SYTL5: variants seen among roughly 807,000 people sequenced by gnomAD.
SYTL5 encodes the protein synaptotagmin-like protein 5.
SYTL5 carries 34 observed loss-of-function variants against 55.9 expected under a neutral mutation model. The ratio of observed to expected loss-of-function variants is 0.61; its 90% CI spans 0.46 to 0.81. SYTL5 has a LOEUF of 0.81. Ranked by LOEUF, SYTL5 falls within the 30% of genes least tolerant of loss-of-function variation. The pLI, the probability that SYTL5 is intolerant of heterozygous loss-of-function variation, is 0.00. For missense variants in SYTL5, 637 were observed against 546.7 expected, an observed-to-expected ratio of 1.17 and a Z score of -1.65; for synonymous variants, 221 against 188.7, an observed-to-expected ratio of 1.17 and a Z score of -1.40.
chrX:37,932,197 C>T, the SYTL5 span, among the ~76,000 whole-genome samples: 3 of 111,452 alleles, frequency 2.7e-5, no homozygotes, highest in South Asian at 3.8e-4. Context: ...ATGCACATAT[C>T]GAGGGGCATG....
intron 2 of SYTL5, among the ~76,000 whole-genome samples, chrX:38,037,812 AG>A (rs1304201217): frequency 3.6e-5 from 4 of 110,318 alleles, no homozygotes; most frequent in Non-Finnish European, 7.6e-5. Context: ...ATAGATAGAT[AG>A]ATAGATAGAT....
At chrX:37,930,555 T>C in the SYTL5 span, among the ~76,000 whole-genome samples, 1 of 111,651 alleles carries the variant, frequency 9.0e-6, no homozygotes, top group Admixed American at 9.5e-5. Context: ...GTCCTTGACA[T>C]GATGAAACTG....
chrX:38,028,260 G>A (rs764961158), intron 1 of SYTL5, among the ~76,000 whole-genome samples: 6 of 112,012 alleles, frequency 5.4e-5, no homozygotes, highest in African/African-American at 1.3e-4. Flanking sequence ...TTTCCCAAGG[G>A]GCTTTTATTG....
At chrX:37,903,902 A>G in the SYTL5 span, among the ~76,000 whole-genome samples, 5 of 110,859 alleles carry the variant, frequency 4.5e-5, no homozygotes, top group South Asian at 1.5e-3. Context: ...GCACCTTTGT[A>G]CACATTTCTC....
At chrX:38,122,254 G>A in intron 15 of SYTL5, 39 bp downstream of exon 15, 1 of 1,146,032 alleles carries the variant, frequency 8.7e-7, no homozygotes, top group Non-Finnish European at 1.2e-6. Flanking sequence ...ATACTTAATA[G>A]GAGATGAAAG....
At position 38,043,676 on chromosome X, in the gene SYTL5, TATATATATATATATAC is replaced by T. The variant is rs1178640731; in HGVS notation, c.119+9680_119+9695del. Among the ~76,000 whole-genome samples, 715 of 74,034 alleles carry T rather than the reference TATATATATATATATAC, an allele frequency of 9.7e-3. 12 individuals carry two copies. The highest frequency in any genetic ancestry group is 0.044 in the African/African-American group (655 of 15,027). 64.3% of individuals were successfully genotyped at this position (74,034 alleles called of 115,157 possible). ...ATGTATGTATGTATATATATATATA[TATATATATATATATAC>T]ATATATATATACATATTTTCATATA... On this transcript the variant is annotated intron_variant, in intron 2 of 16. Transcript: ENST00000297875.
rs1337622272 is a variant in SYTL5, at chrX:38,033,862, T to A, written c.-28T>A. The A allele has an allele frequency of 4.4e-6, 4 of 905,436 alleles. No homozygotes were observed. The Admixed American group carries it at 9.5e-5, about 21-fold the overall frequency. 74.6% of individuals were successfully genotyped at this position (905,436 alleles called of 1,213,427 possible). A position where few individuals can be genotyped will look rare whatever the true frequency, so the allele number is the denominator to read the frequency against. On this transcript the variant is annotated 5_prime_UTR_variant, in exon 2 of 17. Coordinates refer to ENST00000297875, the MANE Select transcript of SYTL5 (RefSeq NM_138780.3). ...TTCACCTTCTTGAAGATTCAACCAC[T>A]GCTACTCAGAGCTGCTGCTGAAATA...
chrX:37,939,260 A>G, the SYTL5 span, among the ~76,000 whole-genome samples: 1 of 106,889 alleles, frequency 9.4e-6, no homozygotes, highest in Non-Finnish European at 1.9e-5. Flanking sequence ...ACTCCTTCTA[A>G]AAAAAAAAGA....
At chrX:38,017,073 T>TTTG (rs1401165689) in intron 1 of SYTL5, among the ~76,000 whole-genome samples, 33 of 111,075 alleles carry the variant, frequency 3.0e-4, no homozygotes, top group East Asian at 8.5e-4. Flanking sequence ...TTCAGCCAAT[T>TTTG]TTGTTGTTGT....
chrX:37,911,958 T>TA, the SYTL5 span, among the ~76,000 whole-genome samples: 4 of 112,077 alleles, frequency 3.6e-5, no homozygotes, highest in Non-Finnish European at 5.6e-5. Flanking sequence ...ATTTTAAACT[T>TA]AAAAAGGTAT....
At chrX:37,905,403 G>T in the SYTL5 span, among the ~76,000 whole-genome samples, 1 of 103,195 alleles carries the variant, frequency 9.7e-6, no homozygotes, top group African/African-American at 3.6e-5. Flanking sequence ...CCACCTTGCA[G>T]GTGGATGTGT....
At chrX:37,971,471 T>C in the SYTL5 span, among the ~76,000 whole-genome samples, 1 of 111,299 alleles carries the variant, frequency 9.0e-6, no homozygotes, top group Non-Finnish European at 1.9e-5. Flanking sequence ...TAGCTATTAC[T>C]TCAGTACTTT....
the SYTL5 span, among the ~76,000 whole-genome samples, chrX:37,924,357 A>G: frequency 8.1e-5 from 9 of 111,393 alleles, no homozygotes; most frequent in Non-Finnish European, 1.3e-4. Context: ...CAAGCTTACT[A>G]ATACTTCAGA....
At chrX:37,906,415 C>G in the SYTL5 span, 1 of 112,027 alleles carries the variant, frequency 8.9e-6, no homozygotes, top group African/African-American at 3.2e-5. Context: ...TTATTTGTTT[C>G]GTGTATTTCC....
At chrX:38,075,839 G>T (rs1312649040) in intron 5 of SYTL5, among the ~76,000 whole-genome samples, 1 of 111,451 alleles carries the variant, frequency 9.0e-6, no homozygotes. Flanking sequence ...ATTACAAAAA[G>T]GAATATAGCT....
At chrX:37,958,326 G>T in the SYTL5 span, among the ~76,000 whole-genome samples, 1 of 111,563 alleles carries the variant, frequency 9.0e-6, no homozygotes. Context: ...TAGCCTTCTG[G>T]CTGTGTCATA....
intron 3 of SYTL5, among the ~76,000 whole-genome samples, chrX:38,068,721 A>T (rs1936171127): frequency 1.8e-5 from 2 of 111,302 alleles, no homozygotes; most frequent in African/African-American, 6.5e-5. Context: ...TAGGAGCTAA[A>T]CATTGGGTAC....
chrX:37,895,700 C>G, the SYTL5 span, among the ~76,000 whole-genome samples: 1 of 108,656 alleles, frequency 9.2e-6, no homozygotes, highest in Non-Finnish European at 1.9e-5. Context: ...CGTAGGAAGG[C>G]AAGACATTAT....
intron 6 of SYTL5, among the ~76,000 whole-genome samples, chrX:38,085,138 A>T (rs1419051859): frequency 9.7e-6 from 1 of 102,952 alleles, no homozygotes; most frequent in Non-Finnish European, 2.0e-5. Flanking sequence ...CTGTTGAATT[A>T]AAAAAAAAAA....
Sources: allele counts gnomAD v4.1 joint callset (sites outside exome capture counted in the v4.1 genomes callset), GRCh38; gene constraint gnomAD v4.1.1; transcripts MANE v1.5; gene names NCBI Gene and HGNC (gene_info 2026-07-23, HGNC 2026-07-21).